The following ADK variants were observed in gnomAD, a reference collection of about 807,000 sequenced individuals.
ADK encodes adenosine kinase, also known as N6,N6-dimethyladenosine kinase.
In ADK, 24 loss-of-function variants were observed where a neutral mutation model predicts 44.7. The observed-to-expected ratio is 0.54, with a 90% CI of 0.39 to 0.76. ADK has a LOEUF of 0.76. Among genes scored for constraint, ADK ranks in the 30% least tolerant of loss-of-function variants. The probability of loss-of-function intolerance (pLI) is 0.00; values close to 1 mark genes in which losing one functional copy is unlikely to be tolerated. For synonymous variants in ADK, 128 were observed against 142.6 expected (o/e 0.90, Z 0.73); for missense variants, 321 against 425.1 (o/e 0.76, Z 2.15).
intron 6 of ADK, among the ~76,000 whole-genome samples, chr10:74,448,790 T>C (rs902424534): frequency 1.3e-5 from 2 of 152,164 alleles, no homozygotes; most frequent in Non-Finnish European, 2.9e-5. Flanking sequence ...GATGTATACT[T>C]GTGTATACAT....
intron 3 of ADK, among the ~76,000 whole-genome samples, chr10:74,227,472 G>A (rs185398126): frequency 2.0e-5 from 3 of 152,276 alleles, no homozygotes; most frequent in Non-Finnish European, 4.4e-5. Context: ...CACTTTGAGA[G>A]GCTGAGGTGG....
At chr10:74,498,079 T>C (rs759141684) in intron 6 of ADK, among the ~76,000 whole-genome samples, 44 of 152,028 alleles carry the variant, frequency 2.9e-4, no homozygotes, top group Admixed American at 6.5e-5. Context: ...TTAGTAGGGA[T>C]GGGATTTCAC....
chr10:74,702,085 G>A (rs1856438331), intron 10 of ADK, among the ~76,000 whole-genome samples: 1 of 152,172 alleles, frequency 6.6e-6, no homozygotes, highest in Admixed American at 6.5e-5. Context: ...CACAGCTGCA[G>A]TTGGAAAATC....
At chr10:74,358,081 G>GA (rs1228217818) in intron 4 of ADK, among the ~76,000 whole-genome samples, 8 of 152,028 alleles carry the variant, frequency 5.3e-5, no homozygotes, top group Non-Finnish European at 5.9e-5. Flanking sequence ...GCAAACTAAA[G>GA]AAATGGACTT....
At chr10:74,548,055 G>C (rs1010525446) in intron 7 of ADK, among the ~76,000 whole-genome samples, 1 of 152,156 alleles carries the variant, frequency 6.6e-6, no homozygotes, top group South Asian at 2.1e-4. Context: ...GCCTCCCAAA[G>C]TGCTGGGATT....
chr10:74,689,018 C>G (rs189704837), intron 10 of ADK, among the ~76,000 whole-genome samples: 7 of 151,942 alleles, frequency 4.6e-5, no homozygotes, highest in Admixed American at 1.3e-4. Flanking sequence ...TTTGGGAGGC[C>G]GAGACCGGAT....
chr10:74,264,028 A>G (rs1846133863), intron 3 of ADK, among the ~76,000 whole-genome samples: 1 of 152,254 alleles, frequency 6.6e-6, no homozygotes, highest in Non-Finnish European at 1.5e-5. Flanking sequence ...TTTAAATTTC[A>G]ATTAATTAAA....
At chr10:74,209,475 G>C (rs1265773576) in intron 2 of ADK, among the ~76,000 whole-genome samples, 2 of 152,080 alleles carry the variant, frequency 1.3e-5, no homozygotes, top group Non-Finnish European at 2.9e-5. Context: ...AAATAGCCTG[G>C]TCTGTGGTAT....
chr10:74,478,405 A>G (rs1401745762), intron 6 of ADK, among the ~76,000 whole-genome samples: 5 of 152,144 alleles, frequency 3.3e-5, no homozygotes, highest in African/African-American at 9.7e-5. Context: ...AAAAATTTTC[A>G]TAGAGATGAG....
rs138960690 is a variant in ADK at position 74,454,407 on chromosome 10, T to A, written c.555+55828T>A. Among the ~76,000 whole-genome samples the A allele has an allele frequency of 1.5e-4, 23 of 152,234 alleles. No homozygotes were observed. In the East Asian group the frequency reaches 3.7e-3, roughly 24 times the overall value. On this transcript the variant is annotated intron_variant, in intron 6 of 10. Coordinates refer to ENST00000539909, the MANE Select transcript of ADK (RefSeq NM_006721.4). ...TATACTTTTTATTTTAAAAAATATA[T>A]AACAATAATAGCAAATATTTAGTAA...
chr10:74,252,515 G>A (rs1211767255), intron 3 of ADK, among the ~76,000 whole-genome samples: 2 of 152,196 alleles, frequency 1.3e-5, no homozygotes, highest in East Asian at 1.9e-4. Flanking sequence ...AGGAATAGAA[G>A]ACAATTTTTG....
chr10:74,676,044 T>TAAA (rs11458497), intron 10 of ADK, among the ~76,000 whole-genome samples: 16 of 143,828 alleles, frequency 1.1e-4, no homozygotes, highest in African/African-American at 3.8e-4. Flanking sequence ...TTCTTAGAAT[T>TAAA]AAAAAAAAAA....
chr10:74,287,881 C>G (rs1847240820), intron 3 of ADK, among the ~76,000 whole-genome samples: 1 of 148,270 alleles, frequency 6.7e-6, no homozygotes, highest in Non-Finnish European at 1.5e-5. Flanking sequence ...ACTCAGGAAG[C>G]TATAGTGGGA....
In ADK at chr10:74,394,258, G is replaced by A. The variant is rs113318057; in HGVS notation, c.391G>A (p.Glu131Lys). The change falls in exon 5 of 11, where the codon GAG (glutamate) becomes AAG (lysine). Residue 131 changes from glutamate to lysine, a missense_variant. Transcript: ENST00000539909. ...AEAHVDAHYY[E>K]QNEQPTGTCA... is the part of the protein sequence containing the mutation. The stretch of plus-strand genomic sequence containing the variant: ...AGCCCATGTGGATGCTCATTACTAC[G>A]AGCAGAATGAGCAGCCAACAGGAAC... 7 of 1,613,878 alleles carry A rather than the reference G, an allele frequency of 4.3e-6. No homozygotes were observed. The highest frequency in any genetic ancestry group is 5.9e-6 in the Non-Finnish European group (7 of 1,179,930).
intron 1 of ADK, among the ~76,000 whole-genome samples, chr10:74,160,261 G>C (rs975283139): frequency 3.9e-5 from 6 of 152,084 alleles, no homozygotes; most frequent in African/African-American, 1.4e-4. Context: ...AGAAGTTAGC[G>C]TCCCTTTTCA....
chr10:74,655,063 C>T (rs537217438), intron 9 of ADK: 14 of 234,246 alleles, frequency 6.0e-5, no homozygotes, highest in South Asian at 4.2e-4. Context: ...CCCTTCACCC[C>T]GGGCCGCCTT....
intron 6 of ADK, among the ~76,000 whole-genome samples, chr10:74,461,146 AT>A (rs146591951): frequency 0.13 from 18,653 of 148,724 alleles, 3,442 homozygotes; most frequent in African/African-American, 0.4. Flanking sequence ...CGGAAATAGA[AT>A]TTTTTTTTTT....
At chr10:74,153,850 G>C (rs767135452) in intron 1 of ADK, among the ~76,000 whole-genome samples, 9 of 152,192 alleles carry the variant, frequency 5.9e-5, no homozygotes, top group Non-Finnish European at 1.2e-4. Flanking sequence ...AGAGGCTACA[G>C]TGCCTTCCAA....
At chr10:74,327,274 ATGT>A (rs1841054527) in intron 4 of ADK, among the ~76,000 whole-genome samples, 1 of 152,080 alleles carries the variant, frequency 6.6e-6, no homozygotes, top group Non-Finnish European at 1.5e-5. Context: ...TTCATTGACC[ATGT>A]TGTTTAATTT....
Sources: gnomAD v4.1 joint callset for allele counts (sites outside exome capture counted in the v4.1 genomes callset) on GRCh38, gnomAD v4.1.1 for gene constraint, MANE v1.5 for transcripts, NCBI Gene and HGNC (gene_info 2026-07-23, HGNC 2026-07-21) for gene names.